PCDH7: variants seen among roughly 807,000 people sequenced by gnomAD.
The protein encoded by PCDH7 is protocadherin-7.
In PCDH7, 17 loss-of-function variants were observed where a neutral mutation model predicts 58.9. That is an observed-to-expected ratio of 0.29 (90% CI 0.20 to 0.43). The LOEUF is 0.43. Ranked by LOEUF, PCDH7 falls within the 20% of genes least tolerant of loss-of-function variation. The pLI is 1.00. For synonymous variants in PCDH7, 664 were observed against 616.4 expected (o/e 1.08, Z -1.14); for missense variants, 1,274 against 1,441.0 (o/e 0.88, Z 1.88).
At chr4:31,078,190 G>A (rs1488013519) in intron 3 of PCDH7, among the ~76,000 whole-genome samples, 1 of 152,090 alleles carries the variant, frequency 6.6e-6, no homozygotes, top group Non-Finnish European at 1.5e-5. Flanking sequence ...TGGGAGGGAC[G>A]CAGCAAGGAA....
At chr4:30,927,488 G>A (rs892127869) in intron 2 of PCDH7, among the ~76,000 whole-genome samples, 13 of 151,728 alleles carry the variant, frequency 8.6e-5, no homozygotes, top group African/African-American at 2.2e-4. Context: ...AGACATGGGA[G>A]ACTTTTCATT....
chr4:30,779,598 G>T (rs2109287180), intron 1 of PCDH7, among the ~76,000 whole-genome samples: 1 of 152,262 alleles, frequency 6.6e-6, no homozygotes, highest in African/African-American at 2.4e-5. Context: ...GAATCACTGT[G>T]CCAGTTCTTA....
chr4:31,092,889 T>G (rs1335865464), intron 3 of PCDH7, among the ~76,000 whole-genome samples: 1 of 152,082 alleles, frequency 6.6e-6, no homozygotes, highest in African/African-American at 2.4e-5. Flanking sequence ...AATTTCCACT[T>G]TCTACCAGAG....
chr4:30,913,340 TA>T (rs1399346924), intron 1 of PCDH7, among the ~76,000 whole-genome samples: 1 of 152,006 alleles, frequency 6.6e-6, no homozygotes, highest in Non-Finnish European at 1.5e-5. Flanking sequence ...CAAAACAAAA[TA>T]AAAAATAAAG....
chr4:31,139,473 G>C (rs1446578657), intron 3 of PCDH7, among the ~76,000 whole-genome samples: 2 of 152,072 alleles, frequency 1.3e-5, no homozygotes, highest in African/African-American at 4.8e-5. Context: ...ATTGTGAAAG[G>C]CTTTCCTCTA....
intron 3 of PCDH7, among the ~76,000 whole-genome samples, chr4:31,023,690 A>G (rs998816759): frequency 1.3e-5 from 2 of 152,142 alleles, no homozygotes; most frequent in East Asian, 1.9e-4. Context: ...CCTTTTTTGT[A>G]TTCCTCCTTC....
intron 1 of PCDH7, among the ~76,000 whole-genome samples, chr4:30,791,072 C>T (rs968441769): frequency 1.3e-5 from 2 of 152,046 alleles, no homozygotes; most frequent in Non-Finnish European, 2.9e-5. Flanking sequence ...TGTCAAAAAA[C>T]ATTTTGAAAA....
At chr4:30,897,173 G>T (rs1245010189) in intron 1 of PCDH7, among the ~76,000 whole-genome samples, 3 of 151,804 alleles carry the variant, frequency 2.0e-5, no homozygotes, top group Non-Finnish European at 4.4e-5. Flanking sequence ...CAAAGTGCTG[G>T]GATTACAGGC....
intron 3 of PCDH7, among the ~76,000 whole-genome samples, chr4:31,132,837 T>C (rs1238796528): frequency 6.6e-6 from 1 of 152,148 alleles, no homozygotes; most frequent in Non-Finnish European, 1.5e-5. Flanking sequence ...TTGAAGCAAA[T>C]GTTGAACATG....
intron 3 of PCDH7, among the ~76,000 whole-genome samples, chr4:31,046,787 A>G (rs1479598768): frequency 1.3e-5 from 2 of 152,106 alleles, no homozygotes; most frequent in Non-Finnish European, 2.9e-5. Context: ...TGTTACTTAC[A>G]TCCATCATAT....
chr4:30,806,875 A>G (rs1033607341), intron 1 of PCDH7, among the ~76,000 whole-genome samples: 1 of 152,018 alleles, frequency 6.6e-6, no homozygotes, highest in Non-Finnish European at 1.5e-5. Context: ...AAAAGAATCT[A>G]TTGTAGAGTG....
chr4:30,804,971 G>T (rs1056978743), intron 1 of PCDH7, among the ~76,000 whole-genome samples: 2 of 152,098 alleles, frequency 1.3e-5, no homozygotes, highest in South Asian at 2.1e-4. Context: ...CTCCACTGAC[G>T]TGGCCCTTAT....
At chr4:31,135,604 C>T (rs548595596) in intron 3 of PCDH7, among the ~76,000 whole-genome samples, 1 of 152,208 alleles carries the variant, frequency 6.6e-6, no homozygotes, top group South Asian at 2.1e-4. Flanking sequence ...TTATCTGAAA[C>T]CCTTGGAGCC....
intron 3 of PCDH7, among the ~76,000 whole-genome samples, chr4:31,108,497 C>T (rs948715382): frequency 4.0e-5 from 6 of 150,296 alleles, no homozygotes; most frequent in East Asian, 2.0e-4. Context: ...ACTGCTAATT[C>T]GATGAATCAG....
chr4:30,871,976 A>T (rs1252705928), intron 1 of PCDH7, among the ~76,000 whole-genome samples: 1 of 152,028 alleles, frequency 6.6e-6, no homozygotes, highest in African/African-American at 2.4e-5. Flanking sequence ...TTCTTCGGAC[A>T]CTAGTCATAT....
exon 2 of PCDH7, chr4:30,732,515 A>G (rs1201705173): frequency 6.6e-6 from 1 of 152,186 alleles, no homozygotes; most frequent in Non-Finnish European, 1.5e-5. Flanking sequence ...GTTGCAACAC[A>G]CTCTTGAGGT....
chr4:30,965,831 TATTTTTTTAAAAAAGTAGC>T (rs749465061), intron 3 of PCDH7, among the ~76,000 whole-genome samples: 2 of 152,110 alleles, frequency 1.3e-5, no homozygotes, highest in Non-Finnish European at 2.9e-5. Flanking sequence ...TTTAAAATAT[TATTTTTTTAAAAAAGTAGC>T]ATTTTCCTAT....
intron 3 of PCDH7, among the ~76,000 whole-genome samples, chr4:30,990,196 G>T (rs896046306): frequency 6.6e-6 from 1 of 151,502 alleles, no homozygotes; most frequent in Non-Finnish European, 1.5e-5. Flanking sequence ...TAAAAATTTT[G>T]TGCCTAAAGA....
At chr4:30,745,408 T>C (rs1194098606) in intron 1 of PCDH7, among the ~76,000 whole-genome samples, 1 of 152,180 alleles carries the variant, frequency 6.6e-6, no homozygotes, top group Non-Finnish European at 1.5e-5. Flanking sequence ...TCATGTGTCC[T>C]ATTAACACTG....
Sources: allele counts gnomAD v4.1 joint callset (sites outside exome capture counted in the v4.1 genomes callset), GRCh38; gene constraint gnomAD v4.1.1; transcripts MANE v1.5; gene names NCBI Gene and HGNC (gene_info 2026-07-23, HGNC 2026-07-21).